The following PDCD1LG2 variants were observed in gnomAD, a reference collection of about 807,000 sequenced individuals.
PDCD1LG2 encodes B7 dendritic cell molecule.
A neutral mutation model predicts 28.2 loss-of-function variants in PDCD1LG2; 32 were observed. The ratio of observed to expected loss-of-function variants is 1.13; its 90% CI spans 0.86 to 1.52. The LOEUF is 1.52. Ranked by LOEUF, PDCD1LG2 falls within the 40% of genes most tolerant of loss-of-function variation. The pLI, the probability that PDCD1LG2 is intolerant of heterozygous loss-of-function variation, is 0.00. For synonymous variants in PDCD1LG2, 116 were observed against 120.2 expected (o/e 0.97, Z 0.23); for missense variants, 385 against 323.8 (o/e 1.19, Z -1.45).
At chr9:5,559,917 GC>G (rs2129932632) in intron 5 of PDCD1LG2, among the ~76,000 whole-genome samples, 1 of 152,226 alleles carries the variant, frequency 6.6e-6, no homozygotes, top group South Asian at 2.1e-4. Flanking sequence ...GTCCTCAGAG[GC>G]ATGGCAGTCT....
chr9:5,517,276 T>C (rs1016956388), intron 1 of PDCD1LG2, among the ~76,000 whole-genome samples: 27 of 152,212 alleles, frequency 1.8e-4, no homozygotes, highest in Non-Finnish European at 3.4e-4. Flanking sequence ...ACATGTACAC[T>C]GGCAGCAAGG....
At chr9:5,521,341 C>A (rs780918548) in intron 1 of PDCD1LG2, among the ~76,000 whole-genome samples, 1 of 152,086 alleles carries the variant, frequency 6.6e-6, no homozygotes, top group Admixed American at 6.5e-5. Flanking sequence ...ACCACAGAGT[C>A]GTGCACTTAA....
At chr9:5,554,692 G>A (rs1487795877) in intron 4 of PDCD1LG2, among the ~76,000 whole-genome samples, 3 of 152,194 alleles carry the variant, frequency 2.0e-5, no homozygotes, top group Non-Finnish European at 4.4e-5. Context: ...TTAGGAAATG[G>A]AATGGGACTA....
chr9:5,557,134 T>C (rs1816458167), intron 4 of PDCD1LG2, among the ~76,000 whole-genome samples: 1 of 152,162 alleles, frequency 6.6e-6, no homozygotes. Context: ...TGAGTACTTG[T>C]CAGTGGGGGA....
chr9:5,529,673 G>C (rs1163089956), intron 2 of PDCD1LG2, among the ~76,000 whole-genome samples: 1 of 151,824 alleles, frequency 6.6e-6, no homozygotes, highest in South Asian at 2.1e-4. Context: ...TTCTCTCTTC[G>C]TACTCCAGAG....
At chr9:5,544,498 G>C (rs1383715841) in intron 3 of PDCD1LG2, among the ~76,000 whole-genome samples, 1 of 152,172 alleles carries the variant, frequency 6.6e-6, no homozygotes, top group Non-Finnish European at 1.5e-5. Context: ...TTCCTGTCTT[G>C]CTTCCTATTG....
intron 6 of PDCD1LG2, among the ~76,000 whole-genome samples, chr9:5,563,881 C>G (rs76244407): frequency 0.052 from 7,907 of 152,266 alleles, 258 homozygotes; most frequent in South Asian, 0.14. Context: ...AGGCCCTCAA[C>G]TGATTGAATG....
intron 1 of PDCD1LG2, among the ~76,000 whole-genome samples, chr9:5,511,278 A>G (rs1028899301): frequency 1.3e-5 from 2 of 152,240 alleles, no homozygotes; most frequent in African/African-American, 4.8e-5. Context: ...ACCCAAAACT[A>G]TTATCTTAAT....
At chr9:5,567,926 C>T (rs866663686) in intron 6 of PDCD1LG2, among the ~76,000 whole-genome samples, 2 of 152,122 alleles carry the variant, frequency 1.3e-5, no homozygotes, top group Admixed American at 6.6e-5. Context: ...CCAGTCTTTA[C>T]GTTTTTTGTT....
At chr9:5,556,565 C>T (rs1816446500) in intron 4 of PDCD1LG2, among the ~76,000 whole-genome samples, 1 of 152,138 alleles carries the variant, frequency 6.6e-6, no homozygotes, top group South Asian at 2.1e-4. Flanking sequence ...GGGGCTCAGA[C>T]TAAATAATGT....
rs574515674 is a variant in PDCD1LG2 at position 5,556,353 on chromosome 9, T to C, written c.632-1265T>C. ...ATTATAATCAATATGGGTTATCCAA[T>C]GTTTGGATGAGCAAGGCTCCTTATC... On this transcript the variant is annotated intron_variant, in intron 4 of 6. Transcript: ENST00000397747. Among the ~76,000 whole-genome samples the C allele has an allele frequency of 2.6e-5, 4 of 152,186 alleles. No individual in the cohort carries two copies. In the South Asian group the frequency reaches 6.2e-4, roughly 24 times the overall value.
chr9:5,513,518 T>A (rs984828801), intron 1 of PDCD1LG2, among the ~76,000 whole-genome samples: 2 of 152,260 alleles, frequency 1.3e-5, no homozygotes, highest in African/African-American at 4.8e-5. Context: ...AAACCCTCTA[T>A]GAATTCTCCA....
intron 4 of PDCD1LG2, among the ~76,000 whole-genome samples, chr9:5,553,016 A>C (rs1010275572): frequency 6.6e-6 from 1 of 152,292 alleles, no homozygotes; most frequent in South Asian, 2.1e-4. Flanking sequence ...CCAAGGCAGG[A>C]GGATCACTTG....
rs1372944487 is a variant in PDCD1LG2, at chr9:5,549,281, C to G, written c.362-54C>G. 6.6e-6 allele frequency: 10 copies of G among 1,516,142 alleles called. No individual in the cohort carries two copies. In the South Asian group the frequency reaches 1.2e-4, roughly 19 times the overall value. 93.9% of individuals were successfully genotyped at this position (1,516,142 alleles called of 1,614,324 possible). ...ATTTCACATGGCATGAAGTACCAAG[C>G]TCTATAGGAATCAGAAAATAAAGTC... is the stretch of plus-strand genomic sequence containing the variant. On this transcript the variant is annotated intron_variant, in intron 3 of 6. Transcript: ENST00000397747.
At chr9:5,546,746 C>A (rs1273775523) in intron 3 of PDCD1LG2, among the ~76,000 whole-genome samples, 1 of 152,136 alleles carries the variant, frequency 6.6e-6, no homozygotes, top group African/African-American at 2.4e-5. Flanking sequence ...TTTTACCCAC[C>A]TCATAGGGTC....
chr9:5,559,382 T>G (rs558880595), intron 5 of PDCD1LG2, among the ~76,000 whole-genome samples: 1 of 152,330 alleles, frequency 6.6e-6, no homozygotes, highest in South Asian at 2.1e-4. Flanking sequence ...CAGATCTGCT[T>G]TCTTACATGT....
In PDCD1LG2 at chr9:5,569,908, T is replaced by C. The variant is rs749330928; in HGVS notation, c.817-46T>C. ...AATTTTGGGGAGGTTATATATTTTC[T>C]AATCATAAAAAATGATTTTTCTTAT... On this transcript the variant is annotated intron_variant, in intron 6 of 6. Transcript: ENST00000397747. This position sits in a 1 kb window ranked among gnomAD's most constrained non-coding sequence, Gnocchi z 4.1. 2 of 1,601,408 alleles carry C rather than the reference T, an allele frequency of 1.2e-6. No homozygotes were observed. The highest frequency in any genetic ancestry group is 1.7e-6 in the Non-Finnish European group (2 of 1,169,738).
intron 2 of PDCD1LG2, among the ~76,000 whole-genome samples, chr9:5,526,294 T>C (rs1015305113): frequency 5.3e-5 from 8 of 152,180 alleles, no homozygotes; most frequent in African/African-American, 1.7e-4. Context: ...TATAAGGTGA[T>C]TACTTTTGTA....
At chr9:5,514,904 G>T (rs1290835610) in intron 1 of PDCD1LG2, among the ~76,000 whole-genome samples, 1 of 152,110 alleles carries the variant, frequency 6.6e-6, no homozygotes, top group African/African-American at 2.4e-5. Context: ...CTCAGGGGAG[G>T]ATTTATGAAG....
Sources: gnomAD v4.1 joint callset for allele counts (sites outside exome capture counted in the v4.1 genomes callset) on GRCh38, gnomAD v4.1.1 for gene constraint, Gnocchi (gnomAD v3.1) non-coding constraint, MANE v1.5 for transcripts, NCBI Gene and HGNC (gene_info 2026-07-23, HGNC 2026-07-21) for gene names.